The following SLC5A4 variants were observed in gnomAD, a reference collection of about 807,000 sequenced individuals.
SLC5A4 encodes solute carrier family 5 member 4.
In SLC5A4, 55 loss-of-function variants were observed where a neutral mutation model predicts 70.3. The ratio of observed to expected loss-of-function variants is 0.78; its 90% confidence interval spans 0.63 to 0.98. The LOEUF (loss-of-function observed/expected upper bound fraction) is 0.98, where lower values mean the gene tolerates loss of function less well. Ranked by LOEUF, SLC5A4 falls within the 50% of genes least tolerant of loss-of-function variation. The pLI, the probability that SLC5A4 is intolerant of heterozygous loss-of-function variation, is 0.00. For missense variants in SLC5A4, 735 were observed against 839.2 expected (o/e 0.88, Z 1.53); for synonymous variants, 268 against 305.7 (o/e 0.88, Z 1.29).
At chr22:32,330,925 T>C in the SLC5A4 span, among the ~76,000 whole-genome samples, 1 of 36,156 alleles carries the variant, frequency 2.8e-5, no homozygotes, top group Non-Finnish European at 5.5e-5. Flanking sequence ...GTTGGAGGCC[T>C]CTGGTGTGTA....
the SLC5A4 span, among the ~76,000 whole-genome samples, chr22:32,339,612 G>A: frequency 6.6e-6 from 1 of 152,208 alleles, no homozygotes; most frequent in African/African-American, 2.4e-5. Context: ...GCAGAGGGAG[G>A]TGGGGAGCCA....
intron 7 of SLC5A4, 93 bp from the exon 8 acceptor site, chr22:32,235,186 A>G: frequency 1.2e-6 from 1 of 842,978 alleles, no homozygotes; most frequent in Non-Finnish European, 1.9e-6. Flanking sequence ...GTAAACAAGC[A>G]CCTCCCATCA....
At chr22:32,307,267 A>G in the SLC5A4 span, among the ~76,000 whole-genome samples, 2 of 152,196 alleles carry the variant, frequency 1.3e-5, no homozygotes, top group East Asian at 3.9e-4. Context: ...AGAGTAACTA[A>G]TAGTCAAATC....
rs116069017 is a variant in SLC5A4, at chr22:32,245,329, G to C, written c.477+2082C>G. On this transcript the variant is annotated intron_variant, in intron 5 of 14. Coordinates refer to ENST00000266086, the MANE Select transcript of SLC5A4 (RefSeq NM_014227.3). The stretch of plus-strand genomic sequence containing the variant: ...TAAGGTGTCTTTCCAGCCAGCCACA[G>C]ACTCTGCACAGCCACAGACCTGCAC... Among the ~76,000 whole-genome samples, 620 of 152,284 alleles carry C rather than the reference G, an allele frequency of 4.1e-3. 3 individuals carry two copies. Among genetic ancestry groups the C allele is most frequent in the African/African-American group, 0.014 (587 of 41,560 alleles).
chr22:32,267,366 A>G, the SLC5A4 span, among the ~76,000 whole-genome samples: 1 of 152,252 alleles, frequency 6.6e-6, no homozygotes, highest in Admixed American at 6.5e-5. Context: ...CTGAGTTGTC[A>G]GTGGAAGCAA....
chr22:32,323,854 G>A, the SLC5A4 span, among the ~76,000 whole-genome samples: 11 of 152,342 alleles, frequency 7.2e-5, no homozygotes, highest in South Asian at 8.3e-4. Flanking sequence ...GGATAAGGGT[G>A]GCAGCAGCCA....
At chr22:32,325,362 G>A in the SLC5A4 span, among the ~76,000 whole-genome samples, 17,719 of 152,092 alleles carry the variant, frequency 0.12, 1,399 homozygotes, top group Non-Finnish European at 0.18. Flanking sequence ...GGCCCTGGCC[G>A]GGGTGGAGAT....
chr22:32,326,665 T>C, the SLC5A4 span, among the ~76,000 whole-genome samples: 1 of 152,258 alleles, frequency 6.6e-6, no homozygotes, highest in East Asian at 1.9e-4. Flanking sequence ...TCAAGGAACC[T>C]ATTCGGGGCA....
chr22:32,350,076 G>T, the SLC5A4 span, among the ~76,000 whole-genome samples: 1 of 152,032 alleles, frequency 6.6e-6, no homozygotes, highest in East Asian at 1.9e-4. Context: ...ACTTCTTGGG[G>T]GTCCATGAGG....
the SLC5A4 span, among the ~76,000 whole-genome samples, chr22:32,352,476 C>CT: frequency 6.6e-6 from 1 of 152,080 alleles, no homozygotes; most frequent in Admixed American, 6.6e-5. Flanking sequence ...TAGTTACCCC[C>CT]CAAACTTCTG....
At chr22:32,272,144 T>A in the SLC5A4 span, 1 of 693,680 alleles carries the variant, frequency 1.4e-6, no homozygotes, top group African/African-American at 1.7e-5. Context: ...AGGTCAGGCT[T>A]CAAAGGCTAC....
At chr22:32,249,639 G>A (rs1449343338) in intron 3 of SLC5A4, among the ~76,000 whole-genome samples, 1 of 152,226 alleles carries the variant, frequency 6.6e-6, no homozygotes, top group African/African-American at 2.4e-5. Flanking sequence ...CCAGGGAATG[G>A]TCTGTTTAAA....
intron 6 of SLC5A4, among the ~76,000 whole-genome samples, chr22:32,238,648 C>G (rs1216418208): frequency 6.6e-6 from 1 of 152,170 alleles, no homozygotes; most frequent in African/African-American, 2.4e-5. Flanking sequence ...TGCTAGTCTC[C>G]TATCTGAGCT....
intron 5 of SLC5A4, among the ~76,000 whole-genome samples, chr22:32,244,164 TACTTTC>T: frequency 6.6e-6 from 1 of 152,362 alleles, no homozygotes; most frequent in East Asian, 1.9e-4. Flanking sequence ...AAATGCAAAG[TACTTTC>T]TGTAACTCTA....
the SLC5A4 span, among the ~76,000 whole-genome samples, chr22:32,292,158 A>AC: frequency 1.9e-5 from 1 of 53,438 alleles, no homozygotes; most frequent in East Asian, 3.6e-4. Context: ...TATATATTAT[A>AC]TATATAATAT....
the SLC5A4 span, among the ~76,000 whole-genome samples, chr22:32,320,775 C>T: frequency 6.6e-6 from 1 of 152,236 alleles, no homozygotes; most frequent in East Asian, 1.9e-4. Context: ...ATTCGTAAGA[C>T]AGTGAGATGT....
At chr22:32,337,736 C>T in the SLC5A4 span, among the ~76,000 whole-genome samples, 2 of 152,090 alleles carry the variant, frequency 1.3e-5, no homozygotes, top group African/African-American at 2.4e-5. Flanking sequence ...GTCAATTTCC[C>T]GAGCGTAAAT....
chr22:32,291,472 G>A, the SLC5A4 span, among the ~76,000 whole-genome samples: 5 of 152,042 alleles, frequency 3.3e-5, no homozygotes, highest in South Asian at 2.1e-4. Context: ...GCACTGCGCC[G>A]GGGTCAACTG....
the SLC5A4 span, among the ~76,000 whole-genome samples, chr22:32,346,789 C>T: frequency 1.4e-5 from 2 of 147,222 alleles, no homozygotes; most frequent in Non-Finnish European, 3.0e-5. Flanking sequence ...AGGACATAGG[C>T]ATGGGCAAGG....
Sources: allele counts gnomAD v4.1 joint callset (sites outside exome capture counted in the v4.1 genomes callset), GRCh38; gene constraint gnomAD v4.1.1; transcripts MANE v1.5; gene names NCBI Gene and HGNC (gene_info 2026-07-23, HGNC 2026-07-21).